Variants in SAMD12 observed in about 807,000 individuals in gnomAD.
The protein encoded by SAMD12 is sterile alpha motif domain-containing protein 12.
SAMD12 carries 9 observed loss-of-function variants against 15.0 expected under a neutral mutation model. The ratio of observed to expected loss-of-function variants is 0.60; its 90% CI spans 0.36 to 1.05. SAMD12 has a LOEUF of 1.05. SAMD12 is among the 50% of genes least tolerant of loss of function. SAMD12 has a pLI of 0.01. For missense variants in SAMD12, 230 were observed against 234.2 expected, an observed-to-expected ratio of 0.98 and a Z score of 0.12; for synonymous variants, 86 against 90.1, an observed-to-expected ratio of 0.96 and a Z score of 0.25.
chr8:118,393,855 G>T (rs893297928), intron 3 of SAMD12, among the ~76,000 whole-genome samples: 2 of 152,082 alleles, frequency 1.3e-5, no homozygotes, highest in African/African-American at 4.8e-5. Flanking sequence ...ACCTGTCTTG[G>T]CTTCCCAAAG....
chr8:118,459,905 A>G (rs1823365558), intron 2 of SAMD12, among the ~76,000 whole-genome samples: 1 of 152,212 alleles, frequency 6.6e-6, no homozygotes, highest in Non-Finnish European at 1.5e-5. Context: ...GCAGACACTA[A>G]GGAGCCAACA....
At chr8:118,592,164 A>G (rs1356474470) in intron 1 of SAMD12, among the ~76,000 whole-genome samples, 1 of 152,174 alleles carries the variant, frequency 6.6e-6, no homozygotes, top group African/African-American at 2.4e-5. Flanking sequence ...TCTACTAAAA[A>G]TACAAAATTA....
At chr8:118,403,986 T>C (rs1253950298) in intron 3 of SAMD12, among the ~76,000 whole-genome samples, 1 of 152,158 alleles carries the variant, frequency 6.6e-6, no homozygotes, top group African/African-American at 2.4e-5. Context: ...TTTGGTACCT[T>C]TATTTTTTCT....
chr8:118,433,698 A>G (rs538618616), intron 3 of SAMD12, among the ~76,000 whole-genome samples: 32 of 152,348 alleles, frequency 2.1e-4, no homozygotes, highest in African/African-American at 7.5e-4. Flanking sequence ...TACTATGTAA[A>G]TATAAAATTA....
chr8:118,517,310 A>C (rs1825271014), intron 2 of SAMD12, among the ~76,000 whole-genome samples: 1 of 152,214 alleles, frequency 6.6e-6, no homozygotes, highest in Non-Finnish European at 1.5e-5. Flanking sequence ...GGTCAATCAC[A>C]GTTGTAGCAC....
At chr8:118,322,846 A>C (rs10955871) in intron 4 of SAMD12, among the ~76,000 whole-genome samples, 72,666 of 151,962 alleles carry the variant, frequency 0.48, 19,421 homozygotes, top group African/African-American at 0.74. Flanking sequence ...TTAGGTTTTT[A>C]ATCTTACATC....
chr8:118,609,406 G>GA (rs1488630005), intron 1 of SAMD12, among the ~76,000 whole-genome samples: 1 of 152,218 alleles, frequency 6.6e-6, no homozygotes, highest in Admixed American at 6.5e-5. Flanking sequence ...GAGAGCCCAG[G>GA]AAACAGTAGC....
At chr8:118,268,187 A>G (rs1813255079) in intron 4 of SAMD12, among the ~76,000 whole-genome samples, 1 of 152,174 alleles carries the variant, frequency 6.6e-6, no homozygotes, top group African/African-American at 2.4e-5. Context: ...CCATATCTCT[A>G]AATGATTGCT....
At chr8:118,460,861 T>G (rs182178482) in intron 2 of SAMD12, among the ~76,000 whole-genome samples, 161 of 152,288 alleles carry the variant, frequency 1.1e-3, no homozygotes, top group Non-Finnish European at 2.1e-3. Context: ...CGGACCCATT[T>G]CTATGGTCCC....
intron 4 of SAMD12, among the ~76,000 whole-genome samples, chr8:118,200,780 A>T (rs1353044228): frequency 6.6e-6 from 1 of 152,216 alleles, no homozygotes; most frequent in South Asian, 2.1e-4. Context: ...TGTGTAAGAC[A>T]CGTGGTGAAA....
intron 2 of SAMD12, among the ~76,000 whole-genome samples, chr8:118,544,116 C>A (rs1312127368): frequency 6.6e-6 from 1 of 152,178 alleles, no homozygotes; most frequent in African/African-American, 2.4e-5. Flanking sequence ...TCCGTCGGCT[C>A]TTCTCCAAAT....
intron 4 of SAMD12, among the ~76,000 whole-genome samples, chr8:118,212,907 T>C (rs988113945): frequency 2.6e-5 from 4 of 152,174 alleles, no homozygotes; most frequent in Non-Finnish European, 5.9e-5. Flanking sequence ...GGATCTCAGA[T>C]GCAATGAAAT....
At chr8:118,377,028 C>CT (rs757390850), downstream of SAMD12, among the ~76,000 whole-genome samples, 480 of 148,856 alleles carry the variant, frequency 3.2e-3, 5 homozygotes, top group East Asian at 0.036. Flanking sequence ...ATTTTGTTTC[C>CT]TTTTTTTTTT....
At chr8:118,436,712 G>C (rs1822583152) in intron 3 of SAMD12, among the ~76,000 whole-genome samples, 1 of 152,112 alleles carries the variant, frequency 6.6e-6, no homozygotes, top group Non-Finnish European at 1.5e-5. Flanking sequence ...AGAATGTTTT[G>C]TTTCCCTTAG....
downstream of SAMD12, among the ~76,000 whole-genome samples, chr8:118,185,754 G>C (rs549807047): frequency 6.6e-6 from 1 of 152,310 alleles, no homozygotes; most frequent in African/African-American, 2.4e-5. Context: ...TCCATCCATG[G>C]CTGGTGAAAA....
chr8:118,373,295 C>T (rs1033399434), downstream of SAMD12, among the ~76,000 whole-genome samples: 1 of 152,152 alleles, frequency 6.6e-6, no homozygotes, highest in South Asian at 2.1e-4. Context: ...GGTCTTGGTG[C>T]CCAAATCTGC....
chr8:118,352,014 G>C (rs1421023534), intron 4 of SAMD12, among the ~76,000 whole-genome samples: 1 of 152,166 alleles, frequency 6.6e-6, no homozygotes, highest in African/African-American at 2.4e-5. Context: ...ACCTTGAGTT[G>C]ATTTCTGTTC....
At chr8:118,212,502 G>C (rs1811856774) in intron 4 of SAMD12, among the ~76,000 whole-genome samples, 1 of 152,088 alleles carries the variant, frequency 6.6e-6, no homozygotes, top group Non-Finnish European at 1.5e-5. Context: ...AAACATTTTG[G>C]ATGTATCTCC....
intron 3 of SAMD12, among the ~76,000 whole-genome samples, chr8:118,419,299 A>G (rs1385817344): frequency 6.6e-6 from 1 of 151,842 alleles, no homozygotes; most frequent in African/African-American, 2.4e-5. Flanking sequence ...GTTTTTTAAT[A>G]TCTCTGAGCT....
Sources: allele counts gnomAD v4.1 joint callset (sites outside exome capture counted in the v4.1 genomes callset), GRCh38; gene constraint gnomAD v4.1.1; transcripts MANE v1.5; gene names NCBI Gene and HGNC (gene_info 2026-07-23, HGNC 2026-07-21).